The following NLRC4 variants were observed in gnomAD, a reference collection of about 807,000 sequenced individuals.
The protein encoded by NLRC4 is NLR family CARD domain containing 4, also known as NLR family CARD domain-containing protein 4.
Under a neutral mutation model 79.9 loss-of-function variants are expected in NLRC4, and 63 were observed. The ratio of observed to expected loss-of-function variants is 0.79; its 90% CI spans 0.64 to 0.97. The LOEUF (loss-of-function observed/expected upper bound fraction) is 0.97. NLRC4 is among the 50% of genes least tolerant of loss of function. The pLI is 0.00. For synonymous variants in NLRC4, 461 were observed against 456.5 expected (o/e 1.01, Z -0.12); for missense variants, 1,074 against 1,215.2 (o/e 0.88, Z 1.73).
chr2:32,258,224 C>G (rs1687254360), intron 1 of NLRC4, among the ~76,000 whole-genome samples: 1 of 152,214 alleles, frequency 6.6e-6, no homozygotes, highest in African/African-American at 2.4e-5. Flanking sequence ...GTGCCGATGT[C>G]TGTTGTGTGC....
At chr2:32,253,856 C>T (rs887387114) in intron 2 of NLRC4, among the ~76,000 whole-genome samples, 23 of 149,854 alleles carry the variant, frequency 1.5e-4, no homozygotes, top group Admixed American at 1.5e-3. Context: ...GGCAGCTACT[C>T]AGGAGGCTGA....
In NLRC4 at chr2:32,250,172, C is replaced by T. The variant is rs757067045; in HGVS notation, c.1692G>A (p.Glu564=). Residue 564 remains glutamate, a synonymous_variant, in exon 4 of 9, where the codon GAG becomes GAA. Transcript: ENST00000402280. This position sits in a 1 kb window ranked among gnomAD's most constrained non-coding sequence, Gnocchi z 4.9. ...FVECGIHLYQ[E]STSKSALSQE... Reference sequence around the variant, plus strand: ...GGCTCAGGGCTGATTTGGATGTACTCTCTTGATATAAATGGATGCCACACT... The same window carrying T: ...GGCTCAGGGCTGATTTGGATGTACTTTCTTGATATAAATGGATGCCACACT... 1 of 1,614,218 alleles carries T rather than the reference C, an allele frequency of 6.2e-7. No individual in the cohort carries two copies. The highest frequency in any genetic ancestry group is 1.1e-5 in the South Asian group (1 of 91,084).
intron 4 of NLRC4, among the ~76,000 whole-genome samples, chr2:32,247,142 G>C (rs1250266268): frequency 6.6e-6 from 1 of 152,068 alleles, no homozygotes; most frequent in Admixed American, 6.6e-5. Flanking sequence ...AACACAATTA[G>C]CTCCTAGCTC....
chr2:32,240,306 A>G (rs1686767091), intron 5 of NLRC4, among the ~76,000 whole-genome samples: 1 of 150,978 alleles, frequency 6.6e-6, no homozygotes, highest in Admixed American at 6.6e-5. Context: ...CTTATAGGCT[A>G]GAGTTGTCTT....
At chr2:32,232,631 G>A (rs1686564885) in intron 8 of NLRC4, among the ~76,000 whole-genome samples, 2 of 152,152 alleles carry the variant, frequency 1.3e-5, no homozygotes, top group Admixed American at 6.5e-5. Flanking sequence ...TCATGCTACT[G>A]TGGGCCATGA....
rs757127936 is a variant in NLRC4 at position 32,251,288 on chromosome 2, C to T, written c.576G>A (p.Lys192=). The T allele has an allele frequency of 8.1e-6, 13 of 1,614,142 alleles. No individual in the cohort carries two copies. The highest frequency in any genetic ancestry group is 1.1e-5 in the Non-Finnish European group (13 of 1,180,022). ...IAMLWGSGKC[K]ALTKFKFVFF... ...AGACGAATTTGAACTTGGTCAGAGCCTTGCACTTTCCGGAGCCCCAGAGCA... is the reference window on the plus strand; with the variant it reads ...AGACGAATTTGAACTTGGTCAGAGCTTTGCACTTTCCGGAGCCCCAGAGCA... The change falls in exon 4 of 9, where the codon AAG becomes AAA. Residue 192 remains lysine, a synonymous_variant. Coordinates refer to ENST00000402280, the MANE Select transcript of NLRC4 (RefSeq NM_001199138.2).
chr2:32,259,755 T>A (rs1019383731), intron 1 of NLRC4, among the ~76,000 whole-genome samples: 3 of 152,056 alleles, frequency 2.0e-5, no homozygotes, highest in African/African-American at 7.2e-5. Context: ...AGAAAATCAC[T>A]CTTCTGATTT....
intron 8 of NLRC4, among the ~76,000 whole-genome samples, chr2:32,232,427 C>G (rs556384613): frequency 7.9e-5 from 12 of 152,274 alleles, no homozygotes; most frequent in African/African-American, 2.6e-4. Context: ...CAATCCAGGC[C>G]TGGGGTTTTG....
intron 8 of NLRC4, among the ~76,000 whole-genome samples, chr2:32,227,323 C>T (rs546717311): frequency 1.3e-5 from 2 of 152,310 alleles, no homozygotes; most frequent in African/African-American, 2.4e-5. Flanking sequence ...GTTATCACAG[C>T]GTAGCCTATG....
intron 8 of NLRC4, among the ~76,000 whole-genome samples, chr2:32,231,075 C>T (rs1686521554): frequency 6.6e-6 from 1 of 152,116 alleles, no homozygotes; most frequent in Admixed American, 6.5e-5. Context: ...ACATATCTTC[C>T]TTGGTGAAAT....
intron 8 of NLRC4, among the ~76,000 whole-genome samples, chr2:32,232,513 A>G (rs1395326280): frequency 6.6e-6 from 1 of 152,114 alleles, no homozygotes; most frequent in Non-Finnish European, 1.5e-5. Context: ...CCTGCATCTC[A>G]TTAGGTAGTC....
chr2:32,233,048 G>A (rs557126656), intron 8 of NLRC4, among the ~76,000 whole-genome samples: 1 of 149,504 alleles, frequency 6.7e-6, no homozygotes, highest in South Asian at 2.1e-4. Flanking sequence ...GAAGTTCAAG[G>A]TTAGTGAGCT....
chr2:32,249,817 T>C lies in NLRC4; in HGVS notation c.2047A>G (p.Ile683Val), dbSNP rs1214050399. The change falls in exon 4 of 9, where the codon ATA (isoleucine) becomes GTA (valine). Residue 683 changes from isoleucine (I) to valine (V), a missense_variant. Transcript: ENST00000402280. ...CTGAGGCTTGTGGCAGAGCTGAATA[T>C]TTTCCCCAGATATCTGATATCTTGC... is the stretch of plus-strand genomic sequence containing the variant. ...NKQDIRYLGK[I>V]FSSATSLRLQ... 6.2e-7 allele frequency: 1 copy of C among 1,614,202 alleles called. No individual in the cohort carries two copies. The highest frequency in any genetic ancestry group is 2.2e-5 in the East Asian group (1 of 44,890).
intron 8 of NLRC4, among the ~76,000 whole-genome samples, chr2:32,226,878 CA>C (rs376301282): frequency 3.0e-4 from 42 of 141,948 alleles, no homozygotes; most frequent in Non-Finnish European, 2.8e-4. Flanking sequence ...AACTCCATTT[CA>C]AAAAAAAAAA....
intron 4 of NLRC4, among the ~76,000 whole-genome samples, chr2:32,247,089 C>T (rs1465425614): frequency 6.6e-6 from 1 of 152,070 alleles, no homozygotes; most frequent in Admixed American, 6.6e-5. Context: ...AGGGTGGGAA[C>T]GGAGCTGAGT....
chr2:32,261,513 T>C (rs1215352487), intron 1 of NLRC4, among the ~76,000 whole-genome samples: 1 of 148,840 alleles, frequency 6.7e-6, no homozygotes, highest in Non-Finnish European at 1.5e-5. Context: ...GGTTTCACCA[T>C]GTTGGCCAGG....
At chr2:32,245,576 G>A (rs763492107) in intron 4 of NLRC4, among the ~76,000 whole-genome samples, 1 of 152,064 alleles carries the variant, frequency 6.6e-6, no homozygotes, top group Non-Finnish European at 1.5e-5. Context: ...TAGTATCTAA[G>A]TCAAAATAAG....
chr2:32,226,589 G>C (rs1686402943), intron 8 of NLRC4, among the ~76,000 whole-genome samples: 1 of 152,150 alleles, frequency 6.6e-6, no homozygotes, highest in Admixed American at 6.5e-5. Flanking sequence ...AATTTGAAAA[G>C]TGAGACAGAG....
rs397694172 is a variant in NLRC4, at chr2:32,238,670, G to GC, written c.2351-369_2351-368insG. Among the ~76,000 whole-genome samples, 367 of 151,620 alleles carry GC rather than the reference G, an allele frequency of 2.4e-3. 4 individuals are homozygous for GC. The highest frequency in any genetic ancestry group is 2.1e-3 in the Non-Finnish European group (143 of 67,900). On this transcript the variant is annotated intron_variant, in intron 5 of 8. Coordinates refer to ENST00000402280, the MANE Select transcript of NLRC4 (RefSeq NM_001199138.2). ...TCTCAAAAATCTTAAACAGCGGGGGGGCTGAGTTCAGGGAGGTAGATGAGG... is the reference window on the plus strand; with the variant it reads ...TCTCAAAAATCTTAAACAGCGGGGGGCGCTGAGTTCAGGGAGGTAGATGAGG...
Sources: allele counts gnomAD v4.1 joint callset (sites outside exome capture counted in the v4.1 genomes callset), GRCh38; gene constraint gnomAD v4.1.1; non-coding constraint Gnocchi (gnomAD v3.1); transcripts MANE v1.5; gene names NCBI Gene and HGNC (gene_info 2026-07-23, HGNC 2026-07-21).